The following INSL6 variants were observed in gnomAD, a reference collection of about 807,000 sequenced individuals.
The protein encoded by INSL6 is insulin-like peptide INSL6.
INSL6 carries 16 observed loss-of-function variants against 9.4 expected under a neutral mutation model. That is an observed-to-expected ratio of 1.70 (90% CI 1.15 to 2.59). The LOEUF (loss-of-function observed/expected upper bound fraction) is 2.59. Among genes scored for constraint, INSL6 ranks in the 30% most tolerant of loss-of-function variants. The pLI, the probability that INSL6 is intolerant of heterozygous loss-of-function variation, is 0.00. For missense variants in INSL6, 391 were observed against 257.3 expected (o/e 1.52, Z -3.56); for synonymous variants, 154 against 96.9 (o/e 1.59, Z -3.46).
the INSL6 span, among the ~76,000 whole-genome samples, chr9:4,999,124 C>A: frequency 3.9e-5 from 6 of 152,098 alleles, no homozygotes; most frequent in African/African-American, 1.4e-4. Flanking sequence ...CGCACCCGGG[C>A]TCAGGAGGTC....
At chr9:5,040,079 C>G in the INSL6 span, among the ~76,000 whole-genome samples, 6 of 152,050 alleles carry the variant, frequency 3.9e-5, no homozygotes, top group African/African-American at 9.7e-5. Flanking sequence ...GGACTGTAAT[C>G]AAGACAATGT....
chr9:5,140,715 A>AC (rs35146492), intron 2 of INSL6, among the ~76,000 whole-genome samples: 56,141 of 151,272 alleles, frequency 0.37, 11,450 homozygotes, highest in African/African-American at 0.56. Context: ...GTGGGGATTC[A>AC]TTTTTTTTTC....
the INSL6 span, among the ~76,000 whole-genome samples, chr9:5,001,020 T>C: frequency 2.0e-5 from 3 of 152,198 alleles, no homozygotes; most frequent in Non-Finnish European, 2.9e-5. Flanking sequence ...GTAGAGTATA[T>C]AGAAATACAA....
chr9:5,024,924 C>T, the INSL6 span, among the ~76,000 whole-genome samples: 6 of 152,150 alleles, frequency 3.9e-5, no homozygotes, highest in Non-Finnish European at 8.8e-5. Context: ...GCACCAATTG[C>T]CATCTTCAAG....
the INSL6 span, among the ~76,000 whole-genome samples, chr9:5,038,177 C>T: frequency 2.6e-5 from 4 of 151,792 alleles, no homozygotes; most frequent in Admixed American, 2.0e-4. Context: ...TTTTTAATGC[C>T]AACAAATTAG....
At chr9:5,004,364 T>C in the INSL6 span, among the ~76,000 whole-genome samples, 1 of 152,214 alleles carries the variant, frequency 6.6e-6, no homozygotes, top group Non-Finnish European at 1.5e-5. Flanking sequence ...TTAGATTCTA[T>C]GGATCAGTGA....
At chr9:5,024,183 G>C in the INSL6 span, among the ~76,000 whole-genome samples, 2 of 152,152 alleles carry the variant, frequency 1.3e-5, no homozygotes, top group Admixed American at 6.5e-5. Context: ...ATGAACCCAG[G>C]AGGCGGAGCT....
At chr9:5,169,087 C>T (rs12338014) in intron 1 of INSL6, among the ~76,000 whole-genome samples, 3,510 of 152,132 alleles carry the variant, frequency 0.023, 120 homozygotes, top group African/African-American at 0.074. Context: ...CCACCATGCC[C>T]GGCTAATTTT....
the INSL6 span, among the ~76,000 whole-genome samples, chr9:5,000,130 AC>A: frequency 6.6e-6 from 1 of 151,232 alleles, no homozygotes; most frequent in Non-Finnish European, 1.5e-5. Context: ...AATATATTAA[AC>A]CTTTGTAGTA....
intron 3 of INSL6, among the ~76,000 whole-genome samples, chr9:5,130,222 T>C (rs113585503): frequency 6.6e-6 from 1 of 152,122 alleles, no homozygotes; most frequent in Non-Finnish European, 1.5e-5. Flanking sequence ...CCTGTTCTAG[T>C]TATTTGTATT....
At chr9:5,111,842 G>A in the INSL6 span, 3 of 403,638 alleles carry the variant, frequency 7.4e-6, no homozygotes, top group Non-Finnish European at 1.5e-5. Flanking sequence ...CCTGTCGGCG[G>A]GGCCGACAAC....
chr9:5,184,423 C>T (rs1233741161), intron 1 of INSL6, among the ~76,000 whole-genome samples: 1 of 152,160 alleles, frequency 6.6e-6, no homozygotes, highest in Non-Finnish European at 1.5e-5. Flanking sequence ...AATGTAAAAA[C>T]ATAGTAAGAT....
At chr9:5,036,536 C>G in the INSL6 span, among the ~76,000 whole-genome samples, 1 of 151,092 alleles carries the variant, frequency 6.6e-6, no homozygotes, top group East Asian at 1.9e-4. Context: ...GAGATATAGA[C>G]CAATGGAAAG....
the INSL6 span, chr9:5,114,293 G>C: frequency 2.2e-5 from 12 of 542,932 alleles, no homozygotes; most frequent in Non-Finnish European, 3.6e-5. Flanking sequence ...AGAACGTGAA[G>C]CTGACTTGGT....
the INSL6 span, chr9:5,041,372 C>T: frequency 6.4e-6 from 4 of 626,576 alleles, no homozygotes; most frequent in Non-Finnish European, 1.2e-5. Context: ...CAACATGCAC[C>T]TGGGCAAGGA....
the INSL6 span, among the ~76,000 whole-genome samples, chr9:5,014,543 C>T: frequency 6.6e-6 from 1 of 152,250 alleles, no homozygotes; most frequent in Admixed American, 6.5e-5. Context: ...ATCAGAACAG[C>T]TGTGGCCACT....
chr9:5,160,529 C>T (rs1034838282), downstream of INSL6, among the ~76,000 whole-genome samples: 3 of 152,054 alleles, frequency 2.0e-5, no homozygotes, highest in African/African-American at 7.2e-5. Flanking sequence ...CCTAATGATA[C>T]ACCTTAAAGA....
downstream of INSL6, among the ~76,000 whole-genome samples, chr9:5,161,454 A>G (rs1824924608): frequency 6.6e-6 from 1 of 152,242 alleles, no homozygotes; most frequent in African/African-American, 2.4e-5. Flanking sequence ...CATATATGAT[A>G]GACCCACAGC....
At chr9:5,078,869 TA>T in the INSL6 span, among the ~76,000 whole-genome samples, 1 of 152,210 alleles carries the variant, frequency 6.6e-6, no homozygotes, top group Non-Finnish European at 1.5e-5. Context: ...TCTGACTTTT[TA>T]AAACCTTAAA....
Sources: allele counts gnomAD v4.1 joint callset (sites outside exome capture counted in the v4.1 genomes callset), GRCh38; gene constraint gnomAD v4.1.1; transcripts MANE v1.5; gene names NCBI Gene and HGNC (gene_info 2026-07-23, HGNC 2026-07-21).